Variants in INKA2 observed in about 807,000 individuals in gnomAD.
The protein encoded by INKA2 is inka box actin regulator 2.
INKA2 carries 3 observed loss-of-function variants against 9.8 expected under a neutral mutation model. The observed-to-expected ratio is 0.31, with a 90% CI of 0.14 to 0.79. The LOEUF is 0.79. Among genes scored for constraint, INKA2 ranks in the 30% least tolerant of loss-of-function variants. The pLI is 0.62. For synonymous variants in INKA2, 147 were observed against 143.3 expected, an observed-to-expected ratio of 1.03 and a Z score of -0.18; for missense variants, 392 against 384.4, an observed-to-expected ratio of 1.02 and a Z score of -0.17.
At chr1:111,748,999 CTTGT>C (rs1465102903) in intron 1 of INKA2, among the ~76,000 whole-genome samples, 1 of 152,224 alleles carries the variant, frequency 6.6e-6, no homozygotes, top group Non-Finnish European at 1.5e-5. Flanking sequence ...CTTACATGGC[CTTGT>C]TTAAGGCTGA....
chr1:111,745,293 A>ATATATATATATATATAT (rs1358304932), intron 1 of INKA2: 1 of 49,272 alleles, frequency 2.0e-5, no homozygotes, highest in Non-Finnish European at 3.7e-5. Context: ...ATATATATAT[A>ATATATATATATATATAT]TTTTTTTTTT....
upstream of INKA2, among the ~76,000 whole-genome samples, chr1:111,743,209 C>T (rs529136701): frequency 1.3e-5 from 2 of 152,248 alleles, no homozygotes; most frequent in African/African-American, 4.8e-5. Context: ...CGAAACTCAG[C>T]CTGGAGGAAG....
At chr1:111,755,529 C>T in intron 1 of INKA2, 1 of 708,760 alleles carries the variant, frequency 1.4e-6, no homozygotes, top group Non-Finnish European at 2.3e-6. Flanking sequence ...GAACGGAAAA[C>T]GGAAGCACGA....
intron 1 of INKA2, among the ~76,000 whole-genome samples, chr1:111,751,176 A>G (rs1206543894): frequency 6.6e-6 from 1 of 152,200 alleles, no homozygotes; most frequent in Non-Finnish European, 1.5e-5. Flanking sequence ...TTAGGTAAAC[A>G]ATGATCTTGT....
exon 1 of INKA2, chr1:111,755,779 G>T (rs1663529312): frequency 2.5e-6 from 4 of 1,611,666 alleles, no homozygotes; most frequent in Non-Finnish European, 3.4e-6. Context: ...CAGTCTCTCA[G>T]CCTCCGACTC....
chr1:111,727,202 A>G lies in INKA2; in HGVS notation c.660T>C (p.Pro220=), dbSNP rs1403750181. The change falls in exon 2 of 2, where the codon CCT becomes CCC. Residue 220 remains proline, a synonymous_variant. Coordinates refer to ENST00000357260, the MANE Select transcript of INKA2 (RefSeq NM_019099.5). The part of the protein sequence containing the change: ...IFKKFLRSVR[P]DRDRLLKEKP... ...TCTCCTTCAGCAGCCGGTCACGGTC[A>G]GGCCGCACACTACGCAAGAACTTCT... 2.5e-6 allele frequency: 4 copies of G among 1,614,128 alleles called. No individual in the cohort carries two copies. The Admixed American group carries it at 6.7e-5, about 27-fold the overall frequency.
At chr1:111,748,165 T>C (rs114611275) in intron 1 of INKA2, among the ~76,000 whole-genome samples, 2,072 of 152,324 alleles carry the variant, frequency 0.014, 47 homozygotes, top group African/African-American at 0.047. Flanking sequence ...GAATTAGCAT[T>C]TTCCTGACGG....
intron 1 of INKA2, chr1:111,747,871 T>C (rs1431682983): frequency 6.6e-6 from 1 of 152,130 alleles, no homozygotes; most frequent in Non-Finnish European, 1.5e-5. Flanking sequence ...TGAAATGAGC[T>C]CTCACCCACT....
At chr1:111,752,202 T>A (rs954240833) in intron 1 of INKA2, among the ~76,000 whole-genome samples, 1 of 152,230 alleles carries the variant, frequency 6.6e-6, no homozygotes, top group Non-Finnish European at 1.5e-5. Context: ...GGGCTGTTTA[T>A]CAGTCCTGCT....
rs1662745023 is a variant in INKA2 at position 111,725,421 on chromosome 1, G to GT, written c.*1546_*1547insA. ...GTGGCTTCCCAGGGCAGTCCTGGGG[G>GT]GGGGCCTGGATCACTAGGTGGCCCT... On this transcript the variant is annotated 3_prime_UTR_variant, in exon 2 of 2. Coordinates refer to ENST00000357260, the MANE Select transcript of INKA2 (RefSeq NM_019099.5). 6 of 152,160 alleles carry GT rather than the reference G, an allele frequency of 3.9e-5. No homozygotes were observed. Among genetic ancestry groups the GT allele is most frequent in the Non-Finnish European group, 5.9e-5 (4 of 68,058 alleles). The allele number at this position is 152,160 out of a possible 1,614,324, so 9.4% of individuals were successfully genotyped here.
intron 1 of INKA2, chr1:111,745,261 G>T (rs55908936): frequency 2.5e-5 from 2 of 80,320 alleles, no homozygotes; most frequent in South Asian, 3.9e-4. Flanking sequence ...CACACACAGA[G>T]ATATTATATA....
intron 1 of INKA2, among the ~76,000 whole-genome samples, chr1:111,749,861 G>A (rs1663360179): frequency 6.6e-6 from 1 of 152,084 alleles, no homozygotes; most frequent in African/African-American, 2.4e-5. Context: ...TCCCTCAAAT[G>A]CATATTCTAT....
At position 111,726,784 on chromosome 1, in the gene INKA2, C is replaced by T; in HGVS notation, c.*184G>A. 2 of 663,422 alleles carry T rather than the reference C, an allele frequency of 3.0e-6. No individual in the cohort carries two copies. Among genetic ancestry groups the T allele is most frequent in the South Asian group, 3.6e-5 (2 of 55,528 alleles). The allele number at this position is 663,422 out of a possible 1,614,324, so 41.1% of individuals were successfully genotyped here. On this transcript the variant is annotated 3_prime_UTR_variant, in exon 2 of 2. Transcript: ENST00000357260. ...CTCCTCCACCAGCTAGCCCCCAAGA[C>T]AGCCTCTCCCAACCACCTTCCCTTC...
intron 1 of INKA2, among the ~76,000 whole-genome samples, chr1:111,750,833 A>G (rs1346770846): frequency 6.6e-6 from 1 of 152,258 alleles, no homozygotes; most frequent in Non-Finnish European, 1.5e-5. Context: ...TTGGAAGAGC[A>G]TAATGGATGA....
chr1:111,753,405 A>T (rs1196135235), intron 1 of INKA2, among the ~76,000 whole-genome samples: 1 of 152,226 alleles, frequency 6.6e-6, no homozygotes, highest in Non-Finnish European at 1.5e-5. Context: ...TCTTTATAGC[A>T]CTAAAAATTA....
Position 111,755,546 on chromosome 1 carries a change from G to A in INKA2, n.124+155C>T, listed in dbSNP as rs1663520779. The A allele has an allele frequency of 1.0e-5, 8 of 796,302 alleles. No individual in the cohort carries two copies. The South Asian group carries it at 1.3e-4, about 13-fold the overall frequency. The allele number at this position is 796,302 out of a possible 1,614,324, so 49.3% of individuals were successfully genotyped here. ...ACGGAAAACGGAAGCACGAGACGGGGGCGTGACGCACCGGGCGCATCACAA... is the reference window on the plus strand; with the variant it reads ...ACGGAAAACGGAAGCACGAGACGGGAGCGTGACGCACCGGGCGCATCACAA... On this transcript the variant is annotated intron_variant and non_coding_transcript_variant, in intron 1 of 1. Transcript: ENST00000444059.
Position 111,727,197 on chromosome 1 carries a change from C to T in INKA2, c.665G>A (p.Arg222His), listed in dbSNP as rs373660885. Residue 222 changes from arginine (R) to histidine (H), a missense_variant, in exon 2 of 2, where the codon CGT (arginine) becomes CAT (histidine). By Grantham distance (29) the Arg-to-His change is conservative (BLOSUM62 0). Transcript: ENST00000357260. ...TGGCTTCTCCTTCAGCAGCCGGTCA[C>T]GGTCAGGCCGCACACTACGCAAGAA... The part of the protein sequence containing the change: ...KKFLRSVRPD[R>H]DRLLKEKPGW... 28 of 1,614,234 alleles carry T rather than the reference C, an allele frequency of 1.7e-5. No homozygotes were observed. The highest frequency in any genetic ancestry group is 1.0e-4 in the Admixed American group (6 of 60,030).
chr1:111,745,132 A>G (rs1663231623), intron 1 of INKA2, among the ~76,000 whole-genome samples: 1 of 151,328 alleles, frequency 6.6e-6, no homozygotes, highest in Admixed American at 6.6e-5. Flanking sequence ...ATTTGGAGCT[A>G]TGGGCTTGGT....
At chr1:111,729,576 G>A (rs1662860388) in intron 1 of INKA2, among the ~76,000 whole-genome samples, 1 of 152,250 alleles carries the variant, frequency 6.6e-6, no homozygotes, top group African/African-American at 2.4e-5. Flanking sequence ...GGCCCAAGCT[G>A]CCTTGGTCCT....
Sources: gnomAD v4.1 joint callset for allele counts (sites outside exome capture counted in the v4.1 genomes callset) on GRCh38, gnomAD v4.1.1 for gene constraint, MANE v1.5 for transcripts, NCBI Gene and HGNC (gene_info 2026-07-23, HGNC 2026-07-21) for gene names.